LPO: variants seen among roughly 807,000 people sequenced by gnomAD.
LPO encodes the protein salivary peroxidase.
LPO carries 70 observed loss-of-function variants against 68.4 expected under a neutral mutation model. That is an observed-to-expected ratio of 1.02 (90% CI 0.84 to 1.25). The LOEUF is 1.25. Among genes scored for constraint, LPO ranks in the 50% most tolerant of loss-of-function variants. The pLI is 0.00. For missense variants in LPO, 873 were observed against 908.4 expected, an observed-to-expected ratio of 0.96 and a Z score of 0.50; for synonymous variants, 360 against 357.6, an observed-to-expected ratio of 1.01 and a Z score of -0.08.
At chr17:58,264,687 T>C in intron 9 of LPO, 35 bp from the exon 10 acceptor site, 1 of 1,611,520 alleles carries the variant, frequency 6.2e-7, no homozygotes, top group Non-Finnish European at 8.5e-7. Context: ...TAAACCTTCT[T>C]ACACCCTTTC....
At chr17:58,241,937 T>TCTCTCAGCTGTCATAA (rs544954568) in intron 1 of LPO, among the ~76,000 whole-genome samples, 116 of 152,212 alleles carry the variant, frequency 7.6e-4, no homozygotes, top group African/African-American at 2.6e-3. Flanking sequence ...AACTATGATT[T>TCTCTCAGCTGTCATAA]CTCTCTGGGA....
chr17:58,243,245 GT>G (rs144330031), intron 2 of LPO, 190 bp downstream of exon 2: 4 of 567,826 alleles, frequency 7.0e-6, no homozygotes, highest in Non-Finnish European at 9.4e-6. Context: ...CCAGCTTCTG[GT>G]GGCCCTGGTA....
rs1470652213 is a variant in LPO, at chr17:58,264,736, G to A, written c.1281G>A (p.Arg427=). 6.2e-7 allele frequency: 1 copy of A among 1,613,878 alleles called. No homozygotes were observed. The highest frequency in any genetic ancestry group is 1.3e-5 in the African/African-American group (1 of 74,966). ...LGAFVQIITF[R]DYLPILLGDH... is the part of the protein sequence containing the mutation. Reference sequence around the variant, plus strand: ...TCTCCCTCCAGATTATCACCTTTAGGGACTACCTACCCATTTTGCTAGGTG... The same window carrying A: ...TCTCCCTCCAGATTATCACCTTTAGAGACTACCTACCCATTTTGCTAGGTG... The change falls in exon 10 of 13, where the codon AGG becomes AGA. Residue 427 remains arginine (R), a synonymous_variant. Transcript: ENST00000262290.
chr17:58,260,537 C>G (rs1431723487), intron 9 of LPO, among the ~76,000 whole-genome samples: 2 of 152,078 alleles, frequency 1.3e-5, no homozygotes, highest in African/African-American at 4.8e-5. Context: ...TGTAGTTGCC[C>G]TTTATGAGGT....
At chr17:58,241,470 A>C (rs1462328027) in intron 1 of LPO, among the ~76,000 whole-genome samples, 3 of 152,092 alleles carry the variant, frequency 2.0e-5, no homozygotes, top group African/African-American at 7.2e-5. Context: ...CAAAACCATC[A>C]TCTCTGTTTG....
chr17:58,265,071 C>T, intron 10 of LPO, 97 bp downstream of exon 10: 2 of 1,512,174 alleles, frequency 1.3e-6, no homozygotes, highest in Non-Finnish European at 1.8e-6. Flanking sequence ...AGCACTTTTA[C>T]ATGACCTTGG....
Position 58,244,089 on chromosome 17 carries a change from AG to A in LPO, c.164+9del. ...CCTGGACTCCCGAACCAGGTACGTG[AG>A]ACACACACACACACACACACACACA... is the stretch of plus-strand genomic sequence containing the variant. On this transcript the variant is annotated intron_variant, in intron 3 of 12. Transcript: ENST00000262290. 1 of 1,443,560 alleles carries A rather than the reference AG, an allele frequency of 6.9e-7. No individual in the cohort carries two copies. Among genetic ancestry groups the A allele is most frequent in the Non-Finnish European group, 9.4e-7 (1 of 1,061,786 alleles). 89.4% of individuals were successfully genotyped at this position (1,443,560 alleles called of 1,614,324 possible). A position where few individuals can be genotyped will look rare whatever the true frequency, so the allele number is the denominator to read the frequency against.
At chr17:58,258,736 G>A (rs901535664) in intron 9 of LPO, among the ~76,000 whole-genome samples, 2 of 152,122 alleles carry the variant, frequency 1.3e-5, no homozygotes, top group African/African-American at 2.4e-5. Flanking sequence ...GCATCCTGAC[G>A]GTGTCACCAC....
chr17:58,247,524 T>C lies in LPO; in HGVS notation c.211T>C (p.Ser71Pro). 1 of 1,613,780 alleles carries C rather than the reference T, an allele frequency of 6.2e-7. No homozygotes were observed. The highest frequency in any genetic ancestry group is 1.1e-5 in the South Asian group (1 of 91,062). The part of the protein sequence containing the change: ...SSETPTSRQL[S>P]EYLKHAKGRT... ...TGAGACTCCCACCAGCCGACAGCTC[T>C]CAGAATACCTCAAGCATGCCAAAGG... Residue 71 changes from serine to proline, a missense_variant, in exon 4 of 13, where the codon TCA becomes CCA. By Grantham distance (74) the Ser-to-Pro change is moderately conservative. Transcript: ENST00000262290.
chr17:58,241,537 G>T (rs1195574402), intron 1 of LPO, among the ~76,000 whole-genome samples: 1 of 152,170 alleles, frequency 6.6e-6, no homozygotes, highest in Admixed American at 6.5e-5. Flanking sequence ...CCCTGAAGTT[G>T]CAAAATATGG....
chr17:58,245,605 C>T (rs1186536741), intron 3 of LPO, among the ~76,000 whole-genome samples: 2 of 152,176 alleles, frequency 1.3e-5, no homozygotes, highest in Admixed American at 6.5e-5. Flanking sequence ...CCAGATTCCG[C>T]CCCTCTCTCC....
At chr17:58,242,807 A>G in intron 1 of LPO, 171 bp from the exon 2 acceptor site, 2 of 589,444 alleles carry the variant, frequency 3.4e-6, no homozygotes, top group Non-Finnish European at 6.1e-6. Flanking sequence ...CCCAGTACCT[A>G]GCACAGGCCT....
rs1365992200 is a variant in LPO, at chr17:58,249,103, T to C, written c.369T>C (p.Cys123=). ...DLTSLSLEVG[C]GAPAPVVRCD... Reference sequence around the variant, plus strand: ...CTTCACTGTCTCTGGAGGTGGGCTGTGGTGCTCCTGCTCCCGTGGTGAGAT... The same window carrying C: ...CTTCACTGTCTCTGGAGGTGGGCTGCGGTGCTCCTGCTCCCGTGGTGAGAT... Residue 123 remains cysteine (C), a synonymous_variant, in exon 5 of 13, where the codon TGT becomes TGC. Transcript: ENST00000262290. 2 of 1,614,090 alleles carry C rather than the reference T, an allele frequency of 1.2e-6. No homozygotes were observed. Among genetic ancestry groups the C allele is most frequent in the Non-Finnish European group, 1.7e-6 (2 of 1,180,040 alleles).
intron 9 of LPO, among the ~76,000 whole-genome samples, chr17:58,263,197 A>T (rs980008367): frequency 6.6e-6 from 1 of 152,000 alleles, no homozygotes; most frequent in Non-Finnish European, 1.5e-5. Context: ...TATAATTTCT[A>T]CTTCTTTGCT....
chr17:58,242,303 C>G (rs1050039843), intron 1 of LPO, among the ~76,000 whole-genome samples: 1 of 152,218 alleles, frequency 6.6e-6, no homozygotes, highest in South Asian at 2.1e-4. Flanking sequence ...TTCCAGGCAG[C>G]CTGGGGCACA....
intron 1 of LPO, 139 bp from the exon 2 acceptor site, chr17:58,242,839 T>A (rs1424649774): frequency 2.9e-6 from 2 of 680,472 alleles, no homozygotes; most frequent in Non-Finnish European, 5.2e-6. Context: ...AGATGCTTCA[T>A]TCGTTAATGT....
At chr17:58,246,677 T>C (rs1373505098) in intron 3 of LPO, among the ~76,000 whole-genome samples, 1 of 152,148 alleles carries the variant, frequency 6.6e-6, no homozygotes, top group Non-Finnish European at 1.5e-5. Context: ...GTTCACGGTG[T>C]GAGGTGGGGA....
At chr17:58,253,057 GAAAGA>G (rs1206058796) in intron 8 of LPO, among the ~76,000 whole-genome samples, 3 of 118,956 alleles carry the variant, frequency 2.5e-5, no homozygotes, top group Non-Finnish European at 3.6e-5. Context: ...AAGAAAGAAA[GAAAGA>G]AAAGAAAAGA....
intron 9 of LPO, among the ~76,000 whole-genome samples, chr17:58,260,559 T>C (rs1290892115): frequency 1.3e-5 from 2 of 152,228 alleles, no homozygotes; most frequent in East Asian, 3.8e-4. Flanking sequence ...GAGGAAGTTC[T>C]GCTTCATTCC....
Sources: allele counts gnomAD v4.1 joint callset (sites outside exome capture counted in the v4.1 genomes callset), GRCh38; gene constraint gnomAD v4.1.1; transcripts MANE v1.5; gene names NCBI Gene and HGNC (gene_info 2026-07-23, HGNC 2026-07-21).